The following BCAR1 variants were observed in gnomAD, a reference collection of about 807,000 sequenced individuals.
BCAR1 encodes the protein breast cancer anti-estrogen resistance protein 1.
Under a neutral mutation model 67.6 loss-of-function variants are expected in BCAR1, and 30 were observed. That is an observed-to-expected ratio of 0.44 (90% CI 0.33 to 0.60). The LOEUF is 0.60. BCAR1 is among the 20% of genes least tolerant of loss of function. BCAR1 has a pLI of 0.02. For synonymous variants in BCAR1, 626 were observed against 556.7 expected, an observed-to-expected ratio of 1.12 and a Z score of -1.75; for missense variants, 1,313 against 1,222.3, an observed-to-expected ratio of 1.07 and a Z score of -1.11.
chr16:75,251,237 G>A (rs973998118), intron 1 of BCAR1, among the ~76,000 whole-genome samples: 1 of 151,856 alleles, frequency 6.6e-6, no homozygotes, highest in East Asian at 1.9e-4. Flanking sequence ...CTACCGGCTG[G>A]CGGCCCCCGC....
upstream of BCAR1, chr16:75,252,084 A>AG: frequency 9.8e-7 from 1 of 1,018,090 alleles, no homozygotes; most frequent in Non-Finnish European, 1.5e-6. Flanking sequence ...GGGAAAGGGG[A>AG]GGGGGCGTGC....
rs751001261 is a variant in BCAR1, at chr16:75,235,661, G to C, written c.1238C>G (p.Pro413Arg). 1.9e-6 allele frequency: 3 copies of C among 1,610,668 alleles called. No homozygotes were observed. Among genetic ancestry groups the C allele is most frequent in the African/African-American group, 2.7e-5 (2 of 74,876 alleles). The change falls in exon 5 of 7, where the codon CCT becomes CGT. Residue 413 changes from proline (P) to arginine (R), a missense_variant. Physicochemically the swap from Pro to Arg is moderately radical, Grantham distance 103 (BLOSUM62 -2). Coordinates refer to ENST00000162330, the MANE Select transcript of BCAR1 (RefSeq NM_014567.5). Reference sequence around the variant, plus strand: ...CGGGGCTTCACGTTCAGCTGGGGGAGGCACCGCATACACACCACTGTCGAC... The same window carrying C: ...CGGGGCTTCACGTTCAGCTGGGGGACGCACCGCATACACACCACTGTCGAC... The part of the protein sequence containing the change: ...GVVDSGVYAV[P>R]PPAEREAPAE...
At chr16:75,258,044 G>A (rs1487516422) in intron 1 of BCAR1, among the ~76,000 whole-genome samples, 1 of 152,214 alleles carries the variant, frequency 6.6e-6, no homozygotes, top group African/African-American at 2.4e-5. Context: ...TGATGGCACA[G>A]GTGGCCGGCA....
chr16:75,258,795 G>A (rs2077834716), intron 1 of BCAR1, among the ~76,000 whole-genome samples: 2 of 152,238 alleles, frequency 1.3e-5, no homozygotes, highest in South Asian at 4.1e-4. Flanking sequence ...CAGGGACGCA[G>A]GGAGTCTCCC....
chr16:75,265,534 G>T (rs562630494), intron 1 of BCAR1, among the ~76,000 whole-genome samples: 2 of 152,034 alleles, frequency 1.3e-5, no homozygotes, highest in African/African-American at 4.8e-5. Context: ...GGTTTCCCGG[G>T]GACCAACAAA....
At chr16:75,266,041 C>T (rs935236977) in intron 1 of BCAR1, 6 of 1,026,054 alleles carry the variant, frequency 5.8e-6, no homozygotes, top group Non-Finnish European at 4.7e-6. Flanking sequence ...ACCGTCTCCG[C>T]GGCCAGGGAC....
intron 1 of BCAR1, chr16:75,266,807 G>A: frequency 4.2e-6 from 6 of 1,413,220 alleles, no homozygotes; most frequent in East Asian, 2.6e-5. Flanking sequence ...GGGGTCCAGA[G>A]CACTGTCCCG....
intron 2 of BCAR1, among the ~76,000 whole-genome samples, chr16:75,240,276 G>A (rs1234617208): frequency 6.6e-6 from 1 of 152,188 alleles, no homozygotes; most frequent in African/African-American, 2.4e-5. Flanking sequence ...GGGAGACTCA[G>A]TTTCCCAGGC....
Position 75,243,054 on chromosome 16 carries a change from C to T in BCAR1, c.49G>A (p.Glu17Lys), listed in dbSNP as rs1466884162. ...LAKALYDNVA[E>K]SPDELSFRKG... Reference sequence around the variant, plus strand: ...CGGAAGGAGAGCTCATCCGGGGACTCGGCCACATTGTCATAGAGCGCTTTG... The same window carrying T: ...CGGAAGGAGAGCTCATCCGGGGACTTGGCCACATTGTCATAGAGCGCTTTG... The change falls in exon 2 of 7, where the codon GAG becomes AAG. Residue 17 changes from glutamate to lysine, a missense_variant. Glu to Lys is a moderately conservative substitution (Grantham distance 56, BLOSUM62 1). This residue lies in a region of BCAR1 where 41 missense variants were observed against 84.8 expected (regional missense o/e 0.48). Transcript: ENST00000162330. The T allele has an allele frequency of 6.2e-7, 1 of 1,606,952 alleles. No homozygotes were observed. Among genetic ancestry groups the T allele is most frequent in the African/African-American group, 1.3e-5 (1 of 74,804 alleles).
At chr16:75,255,669 C>T (rs564347009), upstream of BCAR1, among the ~76,000 whole-genome samples, 3 of 150,340 alleles carry the variant, frequency 2.0e-5, no homozygotes, top group East Asian at 1.9e-4. Context: ...CCAGCCTGGG[C>T]GATAGAGCAA....
At chr16:75,245,099 G>T (rs572365866) in intron 1 of BCAR1, among the ~76,000 whole-genome samples, 6 of 152,398 alleles carry the variant, frequency 3.9e-5, no homozygotes, top group African/African-American at 1.4e-4. Flanking sequence ...CCCCACAGAG[G>T]AGCGGGAGGG....
intron 6 of BCAR1, 98 bp downstream of exon 6, chr16:75,233,748 G>A (rs957167495): frequency 4.9e-5 from 63 of 1,274,708 alleles, no homozygotes; most frequent in Non-Finnish European, 6.6e-5. Flanking sequence ...CAGACAACAT[G>A]AGAAGCTGGG....
rs1312278027 is a variant in BCAR1 at position 75,251,550 on chromosome 16, C to T, written c.-68G>A. On this transcript the variant is annotated 5_prime_UTR_variant, in exon 1 of 7. Coordinates refer to ENST00000162330, the MANE Select transcript of BCAR1 (RefSeq NM_014567.5). The stretch of plus-strand genomic sequence containing the variant: ...CACCGAGCTGCCCGGGCCGCGTGCC[C>T]TCGGGGCTCCGAGCGCGCCGCAGCC... 8.6e-7 allele frequency: 1 copy of T among 1,160,210 alleles called. No individual in the cohort carries two copies. The highest frequency in any genetic ancestry group is 1.6e-5 in the African/African-American group (1 of 61,502). The allele number at this position is 1,160,210 out of a possible 1,614,324, so 71.9% of individuals were successfully genotyped here.
intron 5 of BCAR1, 90 bp downstream of exon 5, chr16:75,234,799 G>C: frequency 6.7e-6 from 10 of 1,493,784 alleles, no homozygotes; most frequent in Non-Finnish European, 8.9e-6. Context: ...CCTTGCCAGG[G>C]ACCAGGCCCC....
chr16:75,237,576 C>T (rs760623132), intron 2 of BCAR1: 30 of 516,084 alleles, frequency 5.8e-5, no homozygotes, highest in Non-Finnish European at 8.4e-5. Flanking sequence ...GCTGCCTCGT[C>T]CTGGGCCAGG....
intron 1 of BCAR1, chr16:75,264,475 G>T: frequency 6.8e-7 from 1 of 1,472,150 alleles, no homozygotes; most frequent in Non-Finnish European, 9.0e-7. Flanking sequence ...GAGCAGAACA[G>T]AAGAGAGGAA....
At chr16:75,237,660 T>C (rs1335489136) in intron 2 of BCAR1, among the ~76,000 whole-genome samples, 2 of 152,048 alleles carry the variant, frequency 1.3e-5, no homozygotes, top group Admixed American at 6.5e-5. Context: ...ATGACACCGG[T>C]GGGGTGAGGG....
chr16:75,231,548 T>G (rs754229768), intron 6 of BCAR1, among the ~76,000 whole-genome samples: 2 of 152,252 alleles, frequency 1.3e-5, no homozygotes, highest in Admixed American at 6.5e-5. Flanking sequence ...CAGTAAGTCT[T>G]CATGGACTTG....
chr16:75,231,438 G>A (rs936121716), intron 6 of BCAR1, among the ~76,000 whole-genome samples: 2 of 152,130 alleles, frequency 1.3e-5, no homozygotes, highest in Non-Finnish European at 2.9e-5. Context: ...CTGCATAAAT[G>A]TCCATACTTT....
Sources: allele counts gnomAD v4.1 joint callset (sites outside exome capture counted in the v4.1 genomes callset), GRCh38; gene constraint gnomAD v4.1.1; regional missense constraint gnomAD v4.1.1; transcripts MANE v1.5; gene names NCBI Gene and HGNC (gene_info 2026-07-23, HGNC 2026-07-21).